SLC24A3: variants seen among roughly 807,000 people sequenced by gnomAD.
SLC24A3 encodes the protein solute carrier family 24 member 3, also known as sodium/potassium/calcium exchanger 3.
SLC24A3 carries 28 observed loss-of-function variants against 75.8 expected under a neutral mutation model. The ratio of observed to expected loss-of-function variants is 0.37; its 90% CI spans 0.27 to 0.51. The LOEUF (loss-of-function observed/expected upper bound fraction) is 0.51, where lower values mean the gene tolerates loss of function less well. Among genes scored for constraint, SLC24A3 ranks in the 20% least tolerant of loss-of-function variants. The probability of loss-of-function intolerance (pLI) is 0.94; values close to 1 mark genes in which losing one functional copy is unlikely to be tolerated. For missense variants in SLC24A3, 663 were observed against 847.8 expected (o/e 0.78, Z 2.71); for synonymous variants, 372 against 334.1 (o/e 1.11, Z -1.24).
At chr20:19,292,409 C>T (rs1479286816) in intron 2 of SLC24A3, among the ~76,000 whole-genome samples, 1 of 152,204 alleles carries the variant, frequency 6.6e-6, no homozygotes, top group Admixed American at 6.5e-5. Context: ...GGCACTAATA[C>T]TACAAAAACC....
Position 19,544,863 on chromosome 20 carries a change from A to G in SLC24A3, c.348+29299A>G, listed in dbSNP as rs1352391188. On this transcript the variant is annotated intron_variant, in intron 3 of 16. Coordinates refer to ENST00000328041, the MANE Select transcript of SLC24A3 (RefSeq NM_020689.4). ...GAATGAAGCAACTCCAAGCAATAGT[A>G]AAGCATGGCCACCATGAACTTGAAC... Among the ~76,000 whole-genome samples the G allele has an allele frequency of 3.3e-5, 5 of 152,290 alleles. No individual in the cohort carries two copies. In the East Asian group the frequency reaches 9.7e-4, roughly 29 times the overall value.
Position 19,336,683 on chromosome 20 carries a change from GCCACCCCCCACCCC to G in SLC24A3, c.271+55612_271+55625del, listed in dbSNP as rs1188465054. ...GAGGCGTGAGCCACTGTGCCCGCCC[GCCACCCCCCACCCC>G]CCACCCCCCACCCCCTCCTGCCCTG... On this transcript the variant is annotated intron_variant, in intron 2 of 16. Coordinates refer to ENST00000328041, the MANE Select transcript of SLC24A3 (RefSeq NM_020689.4). Among the ~76,000 whole-genome samples the G allele has an allele frequency of 1.5e-3, 36 of 23,794 alleles. 1 individual carries two copies. The highest frequency in any genetic ancestry group is 3.8e-3 in the South Asian group (2 of 526). 15.6% of individuals were successfully genotyped at this position (23,794 alleles called of 152,430 possible).
Position 19,272,777 on chromosome 20 carries a change from G to A in SLC24A3, c.143-8182G>A, listed in dbSNP as rs370659467. ...TTACCCAGGTGGTAGCTCTAATGAA[G>A]TGCTGGGACACAATGGCTACAGCAT... On this transcript the variant is annotated intron_variant, in intron 1 of 16. Transcript: ENST00000328041. 2.0e-3 allele frequency among the ~76,000 whole-genome samples: 310 copies of A among 152,338 alleles called. 9 individuals are homozygous for A. The South Asian group carries it at 0.06, about 30-fold the overall frequency.
chr20:19,479,198 T>A (rs1275519498), intron 2 of SLC24A3, among the ~76,000 whole-genome samples: 1 of 152,210 alleles, frequency 6.6e-6, no homozygotes, highest in African/African-American at 2.4e-5. Context: ...CACCTCCACA[T>A]GCTTCCTTCC....
intron 2 of SLC24A3, among the ~76,000 whole-genome samples, chr20:19,433,416 G>A (rs1232310354): frequency 1.3e-5 from 2 of 152,196 alleles, no homozygotes; most frequent in Non-Finnish European, 2.9e-5. Context: ...ATGAGGCAGT[G>A]ACTAAACTCA....
intron 15 of SLC24A3, among the ~76,000 whole-genome samples, chr20:19,703,128 C>T (rs1439066354): frequency 6.6e-6 from 1 of 152,162 alleles, no homozygotes; most frequent in Non-Finnish European, 1.5e-5. Context: ...TCTGCATTCT[C>T]CTTATTCTAC....
chr20:19,357,635 C>A (rs1324433838), intron 2 of SLC24A3, among the ~76,000 whole-genome samples: 1 of 152,096 alleles, frequency 6.6e-6, no homozygotes, highest in Non-Finnish European at 1.5e-5. Flanking sequence ...ATTTCTTCTT[C>A]TTATTGATTT....
intron 2 of SLC24A3, among the ~76,000 whole-genome samples, chr20:19,468,405 T>C (rs938928913): frequency 6.6e-6 from 1 of 151,972 alleles, no homozygotes; most frequent in Non-Finnish European, 1.5e-5. Context: ...AGTTCACCAA[T>C]ACACTTACTA....
intron 7 of SLC24A3, among the ~76,000 whole-genome samples, chr20:19,659,870 T>A (rs1009840068): frequency 5.3e-5 from 8 of 152,300 alleles, no homozygotes; most frequent in Middle Eastern, 3.4e-3. Context: ...TGTGGTCTAG[T>A]TTTTAGGCAG....
At chr20:19,380,926 A>G (rs984087516) in intron 2 of SLC24A3, among the ~76,000 whole-genome samples, 1 of 152,178 alleles carries the variant, frequency 6.6e-6, no homozygotes, top group Admixed American at 6.5e-5. Flanking sequence ...AGCCTTGGGG[A>G]ATGACTTCTG....
At chr20:19,421,919 T>C (rs1342421928) in intron 2 of SLC24A3, among the ~76,000 whole-genome samples, 1 of 152,186 alleles carries the variant, frequency 6.6e-6, no homozygotes, top group Non-Finnish European at 1.5e-5. Flanking sequence ...CGCACCTGGC[T>C]GTCTCAATAC....
intron 2 of SLC24A3, among the ~76,000 whole-genome samples, chr20:19,494,593 A>C (rs1026536224): frequency 6.6e-6 from 1 of 152,130 alleles, no homozygotes; most frequent in Admixed American, 6.5e-5. Context: ...TTGGGGGTGC[A>C]CATTGTTTTT....
chr20:19,556,319 C>T, intron 3 of SLC24A3, among the ~76,000 whole-genome samples: 1 of 152,074 alleles, frequency 6.6e-6, no homozygotes, highest in Non-Finnish European at 1.5e-5. Flanking sequence ...AAATAAAATT[C>T]TTTTCTTGCT....
At chr20:19,273,774 A>G (rs545545582) in intron 1 of SLC24A3, among the ~76,000 whole-genome samples, 37 of 151,936 alleles carry the variant, frequency 2.4e-4, no homozygotes, top group African/African-American at 8.9e-4. Context: ...ATCCTCTTCC[A>G]TGAGCTGTCT....
intron 2 of SLC24A3, among the ~76,000 whole-genome samples, chr20:19,322,365 CCCTTCCTTCCT>C (rs1984730414): frequency 1.2e-5 from 1 of 80,022 alleles, no homozygotes; most frequent in African/African-American, 8.0e-5. Context: ...TTCCTTCCTT[CCCTTCCTTCCT>C]TCCTTCCTTC....
At chr20:19,431,424 C>T (rs184243980) in intron 2 of SLC24A3, among the ~76,000 whole-genome samples, 2 of 152,148 alleles carry the variant, frequency 1.3e-5, no homozygotes, top group East Asian at 3.9e-4. Context: ...CAAGGTTCAG[C>T]AAGACCAGCA....
chr20:19,682,250 A>G (rs2032623750), intron 10 of SLC24A3, among the ~76,000 whole-genome samples: 1 of 152,106 alleles, frequency 6.6e-6, no homozygotes, highest in South Asian at 2.1e-4. Flanking sequence ...GCCAGACCCT[A>G]TTTCAAAAAA....
At position 19,367,441 on chromosome 20, in the gene SLC24A3, A is replaced by C. The variant is rs980911141; in HGVS notation, c.271+86354A>C. ...TCCTTATTAACAAACAGGCTTGGGAAAAAACAAAGCAGAGACGTAAAACAA... is the reference window on the plus strand; with the variant it reads ...TCCTTATTAACAAACAGGCTTGGGACAAAACAAAGCAGAGACGTAAAACAA... On this transcript the variant is annotated intron_variant, in intron 2 of 16. Transcript: ENST00000328041. Among the ~76,000 whole-genome samples, 6 of 152,210 alleles carry C rather than the reference A, an allele frequency of 3.9e-5. No homozygotes were observed. The East Asian group carries it at 1.2e-3, about 29-fold the overall frequency.
At chr20:19,528,578 A>G (rs2030240706) in intron 3 of SLC24A3, among the ~76,000 whole-genome samples, 2 of 152,208 alleles carry the variant, frequency 1.3e-5, no homozygotes, top group Non-Finnish European at 1.5e-5. Context: ...ACTGATTATC[A>G]TGATGAATCC....
Sources: gnomAD v4.1 joint callset for allele counts (sites outside exome capture counted in the v4.1 genomes callset) on GRCh38, gnomAD v4.1.1 for gene constraint, MANE v1.5 for transcripts, NCBI Gene and HGNC (gene_info 2026-07-23, HGNC 2026-07-21) for gene names.